The following OSBPL1A variants were observed in gnomAD, a reference collection of about 807,000 sequenced individuals.
The protein encoded by OSBPL1A is oxysterol binding protein like 1A.
Under a neutral mutation model 137.1 loss-of-function variants are expected in OSBPL1A, and 80 were observed. That is an observed-to-expected ratio of 0.58 (90% CI 0.49 to 0.70). The LOEUF (loss-of-function observed/expected upper bound fraction) is 0.70. Ranked by LOEUF, OSBPL1A falls within the 30% of genes least tolerant of loss-of-function variation. The probability of loss-of-function intolerance (pLI) is 0.00; values close to 1 mark genes in which losing one functional copy is unlikely to be tolerated. For missense variants in OSBPL1A, 970 were observed against 1,129.4 expected (o/e 0.86, Z 2.02); for synonymous variants, 365 against 389.7 (o/e 0.94, Z 0.75).
rs546424663 is a variant in OSBPL1A at position 24,192,424 on chromosome 18, C to T, written c.1677+3701G>A. 5.9e-5 allele frequency among the ~76,000 whole-genome samples: 9 copies of T among 152,194 alleles called. 1 individual carries two copies. In the South Asian group the frequency reaches 6.2e-4, roughly 11 times the overall value. On this transcript the variant is annotated intron_variant, in intron 18 of 27. Transcript: ENST00000319481. ...AGTGTCAGGATTAGTTCTCAGGAGC[C>T]GGAGATTTGTTTGTTTGGTAAAAGC...
At chr18:24,191,838 G>A (rs2086898962) in intron 18 of OSBPL1A, among the ~76,000 whole-genome samples, 1 of 152,120 alleles carries the variant, frequency 6.6e-6, no homozygotes, top group African/African-American at 2.4e-5. Context: ...AGGACACGAA[G>A]TTAACTGAGT....
intron 4 of OSBPL1A, among the ~76,000 whole-genome samples, chr18:24,347,093 C>T (rs567775998): frequency 1.9e-4 from 29 of 152,162 alleles, no homozygotes; most frequent in Middle Eastern, 3.4e-3. Flanking sequence ...TGAATGTTCC[C>T]GTATTGATTT....
intron 4 of OSBPL1A, among the ~76,000 whole-genome samples, chr18:24,355,759 C>A (rs1410329660): frequency 1.3e-5 from 2 of 151,808 alleles, no homozygotes; most frequent in Non-Finnish European, 2.9e-5. Context: ...CCAAGGCAGG[C>A]AGATCACCTG....
Position 24,334,228 on chromosome 18 carries a change from T to G in OSBPL1A, c.480+17A>C, listed in dbSNP as rs566178523. ...AAGACTGCTTTTTGTCTTTTGGGGG[T>G]TTTTTGTTTGTTTTACCAGAGCTGT... On this transcript the variant is annotated intron_variant, in intron 6 of 27. Coordinates refer to ENST00000319481, the MANE Select transcript of OSBPL1A (RefSeq NM_080597.4). 4 of 1,588,320 alleles carry G rather than the reference T, an allele frequency of 2.5e-6. No individual in the cohort carries two copies. In the South Asian group the frequency reaches 3.5e-5, roughly 14 times the overall value.
intron 15 of OSBPL1A, among the ~76,000 whole-genome samples, chr18:24,269,348 T>C (rs1020725476): frequency 3.3e-5 from 5 of 152,248 alleles, no homozygotes; most frequent in Admixed American, 3.3e-4. Flanking sequence ...CTCTTTATTC[T>C]TTCCCTTCCA....
At chr18:24,311,702 A>G (rs931356) in intron 13 of OSBPL1A, among the ~76,000 whole-genome samples, 39,592 of 152,094 alleles carry the variant, frequency 0.26, 5,924 homozygotes, top group African/African-American at 0.41. Context: ...CTTTCAAACA[A>G]AATGACGGTC....
chr18:24,284,424 G>A (rs753432757), intron 14 of OSBPL1A, among the ~76,000 whole-genome samples: 4 of 152,028 alleles, frequency 2.6e-5, no homozygotes, highest in East Asian at 1.9e-4. Flanking sequence ...TACTAAAAAC[G>A]TTTTTAAAGT....
chr18:24,244,585 G>A (rs192569671), intron 15 of OSBPL1A, among the ~76,000 whole-genome samples: 30 of 152,248 alleles, frequency 2.0e-4, no homozygotes, highest in Non-Finnish European at 4.1e-4. Context: ...GTAAACATAC[G>A]CATTGATCTG....
At chr18:24,347,668 C>T (rs1408563915) in intron 4 of OSBPL1A, 2 of 151,190 alleles carry the variant, frequency 1.3e-5, no homozygotes, top group African/African-American at 4.9e-5. Flanking sequence ...ATAGTGAAAC[C>T]CCGTCTCTAC....
At position 24,194,888 on chromosome 18, in the gene OSBPL1A, TC is replaced by T. The variant is rs1397361413; in HGVS notation, c.1677+1236del. Among the ~76,000 whole-genome samples the T allele has an allele frequency of 2.0e-5, 3 of 152,306 alleles. 1 individual carries two copies. Among genetic ancestry groups the T allele is most frequent in the African/African-American group, 7.2e-5 (3 of 41,562 alleles). Reference sequence around the variant, plus strand: ...GCTCCGAAATTTAGATGAATTACTCTCCATGCAGGAGTCAAAAAATATTTGT... The same window carrying T: ...GCTCCGAAATTTAGATGAATTACTCTCATGCAGGAGTCAAAAAATATTTGT... On this transcript the variant is annotated intron_variant, in intron 18 of 27. Coordinates refer to ENST00000319481, the MANE Select transcript of OSBPL1A (RefSeq NM_080597.4).
chr18:24,272,314 T>C, intron 15 of OSBPL1A: 1 of 975,480 alleles, frequency 1.0e-6, no homozygotes, highest in Non-Finnish European at 1.2e-6. Context: ...AAAGGAATCT[T>C]CTCTCCAGTC....
intron 17 of OSBPL1A, among the ~76,000 whole-genome samples, chr18:24,222,839 G>A (rs890991533): frequency 1.3e-5 from 2 of 151,918 alleles, no homozygotes; most frequent in African/African-American, 2.4e-5. Flanking sequence ...TTTATAATCC[G>A]TATGTTTCCC....
intron 1 of OSBPL1A, among the ~76,000 whole-genome samples, chr18:24,379,755 A>T (rs900465990): frequency 1.3e-5 from 2 of 148,898 alleles, no homozygotes; most frequent in Non-Finnish European, 3.0e-5. Flanking sequence ...CTGTAGTCCC[A>T]GCTATATCGG....
intron 26 of OSBPL1A, among the ~76,000 whole-genome samples, chr18:24,166,091 T>A (rs2086140171): frequency 6.6e-6 from 1 of 152,096 alleles, no homozygotes; most frequent in African/African-American, 2.4e-5. Flanking sequence ...AGCAAGACTC[T>A]GTATAAAAAA....
intron 16 of OSBPL1A, among the ~76,000 whole-genome samples, chr18:24,230,341 T>C (rs578204701): frequency 6.6e-6 from 1 of 152,296 alleles, no homozygotes; most frequent in East Asian, 1.9e-4. Flanking sequence ...GTGGTGATGG[T>C]TGCATAGGAA....
intron 4 of OSBPL1A, among the ~76,000 whole-genome samples, chr18:24,363,060 A>G (rs2091647815): frequency 6.6e-6 from 1 of 152,258 alleles, no homozygotes; most frequent in Non-Finnish European, 1.5e-5. Flanking sequence ...ACCCAGTAAA[A>G]GTAGCAAATA....
At chr18:24,199,256 C>A (rs1260988986) in intron 17 of OSBPL1A, among the ~76,000 whole-genome samples, 1 of 152,088 alleles carries the variant, frequency 6.6e-6, no homozygotes, top group Non-Finnish European at 1.5e-5. Context: ...ACAAGCAGTG[C>A]TAAGGGACGT....
At chr18:24,324,455 T>TAAAAAAAAAAAA (rs145135815) in intron 7 of OSBPL1A, among the ~76,000 whole-genome samples, 1 of 12,976 alleles carries the variant, frequency 7.7e-5, no homozygotes, top group Non-Finnish European at 1.4e-4. Context: ...CTGAAAAAGT[T>TAAAAAAAAAAAA]AAAAAAAAAA....
intron 18 of OSBPL1A, among the ~76,000 whole-genome samples, chr18:24,194,477 ACT>A (rs1189216548): frequency 6.6e-6 from 1 of 152,150 alleles, no homozygotes; most frequent in Non-Finnish European, 1.5e-5. Context: ...AAAAATACTG[ACT>A]CTGCAGAATA....
Sources: gnomAD v4.1 joint callset for allele counts (sites outside exome capture counted in the v4.1 genomes callset) on GRCh38, gnomAD v4.1.1 for gene constraint, MANE v1.5 for transcripts, NCBI Gene and HGNC (gene_info 2026-07-23, HGNC 2026-07-21) for gene names.